KLHL29: variants seen among roughly 807,000 people sequenced by gnomAD.
KLHL29 encodes the protein kelch-like protein 29.
KLHL29 carries 21 observed loss-of-function variants against 80.4 expected under a neutral mutation model. That is an observed-to-expected ratio of 0.26 (90% CI 0.19 to 0.38). The LOEUF is 0.38. Among genes scored for constraint, KLHL29 ranks in the 10% least tolerant of loss-of-function variants. The pLI, the probability that KLHL29 is intolerant of heterozygous loss-of-function variation, is 1.00. For missense variants in KLHL29, 867 were observed against 1,223.9 expected (o/e 0.71, Z 4.35); for synonymous variants, 511 against 526.8 (o/e 0.97, Z 0.41).
chr2:23,641,916 G>A (rs1572459521), intron 4 of KLHL29, among the ~76,000 whole-genome samples: 1 of 152,248 alleles, frequency 6.6e-6, no homozygotes, highest in South Asian at 2.1e-4. Context: ...CCTAGGAGGC[G>A]GAGGTTGCAG....
intron 1 of KLHL29, among the ~76,000 whole-genome samples, chr2:23,458,033 A>C (rs935714234): frequency 6.6e-6 from 1 of 152,152 alleles, no homozygotes; most frequent in Non-Finnish European, 1.5e-5. Flanking sequence ...AATTAAAAAA[A>C]AATAAAACGT....
At chr2:23,698,852 CA>C (rs1181997532) in intron 11 of KLHL29, among the ~76,000 whole-genome samples, 5 of 152,168 alleles carry the variant, frequency 3.3e-5, no homozygotes, top group Non-Finnish European at 5.9e-5. Context: ...CCTGGAATAA[CA>C]AGCTCTCAGG....
At chr2:23,390,626 AAC>A (rs1461901190) in intron 1 of KLHL29, among the ~76,000 whole-genome samples, 3 of 151,522 alleles carry the variant, frequency 2.0e-5, no homozygotes, top group East Asian at 3.9e-4. Context: ...ATGGTTTAAA[AAC>A]ACATAAAATT....
At chr2:23,453,796 T>A in intron 1 of KLHL29, among the ~76,000 whole-genome samples, 1 of 152,154 alleles carries the variant, frequency 6.6e-6, no homozygotes. Flanking sequence ...CTTGGTATTT[T>A]GTTTTGTATT....
At chr2:23,687,804 G>A (rs1231658950) in intron 6 of KLHL29, among the ~76,000 whole-genome samples, 3 of 152,182 alleles carry the variant, frequency 2.0e-5, no homozygotes, top group African/African-American at 7.2e-5. Flanking sequence ...TGCAGGGCCG[G>A]GTATGAGGGT....
intron 6 of KLHL29, among the ~76,000 whole-genome samples, chr2:23,686,763 C>T (rs1671279263): frequency 6.6e-6 from 1 of 152,036 alleles, no homozygotes. Context: ...GGAACTGAAC[C>T]CAGAGAGGTC....
chr2:23,456,925 A>T (rs978769233), intron 1 of KLHL29, among the ~76,000 whole-genome samples: 1 of 152,122 alleles, frequency 6.6e-6, no homozygotes, highest in Non-Finnish European at 1.5e-5. Flanking sequence ...AGGCAGAGGG[A>T]GAAAAAAGGT....
chr2:23,484,681 T>C (rs1355898126), intron 2 of KLHL29, among the ~76,000 whole-genome samples: 2 of 152,162 alleles, frequency 1.3e-5, no homozygotes, highest in Non-Finnish European at 2.9e-5. Context: ...GTGTGATTAT[T>C]TATTTAGCAC....
chr2:23,427,554 T>C (rs536093543), intron 1 of KLHL29, among the ~76,000 whole-genome samples: 1 of 152,324 alleles, frequency 6.6e-6, no homozygotes, highest in Non-Finnish European at 1.5e-5. Flanking sequence ...CCTTCTGCTG[T>C]GGCATTTCAT....
rs1384714777 is a variant in KLHL29 at position 23,693,222 on chromosome 2, C to T, written c.1283-47C>T. 2.6e-6 allele frequency: 4 copies of T among 1,511,464 alleles called. No individual in the cohort carries two copies. The East Asian group carries it at 9.9e-5, about 38-fold the overall frequency. 93.6% of individuals were successfully genotyped at this position (1,511,464 alleles called of 1,614,324 possible). A position where few individuals can be genotyped will look rare whatever the true frequency, so the allele number is the denominator to read the frequency against. On this transcript the variant is annotated intron_variant, in intron 7 of 13. Transcript: ENST00000486442. The stretch of plus-strand genomic sequence containing the variant: ...TGACAGCAATGGGAACAGGTGGCAA[C>T]TGCTTCCCGGGCCTTTGGGTCAGTG...
chr2:23,439,242 T>C (rs1435364393), intron 1 of KLHL29, among the ~76,000 whole-genome samples: 5 of 152,114 alleles, frequency 3.3e-5, no homozygotes, highest in Admixed American at 1.3e-4. Flanking sequence ...TCAATTTTGT[T>C]GATCGTTTCA....
At chr2:23,464,447 T>TC (rs1664295175) in intron 1 of KLHL29, among the ~76,000 whole-genome samples, 1 of 152,186 alleles carries the variant, frequency 6.6e-6, no homozygotes, top group Non-Finnish European at 1.5e-5. Context: ...CTCCTCCCTG[T>TC]CTCCCACAGG....
chr2:23,571,878 C>T (rs890710083), intron 3 of KLHL29, among the ~76,000 whole-genome samples: 1 of 152,138 alleles, frequency 6.6e-6, no homozygotes, highest in Non-Finnish European at 1.5e-5. Context: ...AAAAAACAAC[C>T]GCCTCCATTG....
At chr2:23,573,111 G>A (rs1294629978) in intron 3 of KLHL29, among the ~76,000 whole-genome samples, 1 of 152,196 alleles carries the variant, frequency 6.6e-6, no homozygotes, top group African/African-American at 2.4e-5. Context: ...GCTGTGTCGG[G>A]GGCGCAGATT....
In KLHL29 at chr2:23,391,450, G is replaced by A. The variant is rs557331804; in HGVS notation, c.-154+5670G>A. Among the ~76,000 whole-genome samples, 27 of 152,200 alleles carry A rather than the reference G, an allele frequency of 1.8e-4. No homozygotes were observed. In the East Asian group the frequency reaches 2.3e-3, roughly 13 times the overall value. ...TTTGATGTTTTCTTTGTTTTGAGACGGGGTTTTGATCTTGTTGCCCAGGCT... is the reference window on the plus strand; with the variant it reads ...TTTGATGTTTTCTTTGTTTTGAGACAGGGTTTTGATCTTGTTGCCCAGGCT... On this transcript the variant is annotated intron_variant, in intron 1 of 13. Transcript: ENST00000486442.
intron 2 of KLHL29, among the ~76,000 whole-genome samples, chr2:23,482,082 A>T (rs1664812179): frequency 6.6e-6 from 1 of 152,084 alleles, no homozygotes; most frequent in Non-Finnish European, 1.5e-5. Context: ...CCCATGCTAA[A>T]CAGCAGGCGG....
chr2:23,507,343 C>T, intron 2 of KLHL29: 1 of 178,604 alleles, frequency 5.6e-6, no homozygotes, highest in South Asian at 9.3e-5. Flanking sequence ...TTTGTGTGTG[C>T]TAGCCCACCA....
intron 5 of KLHL29, among the ~76,000 whole-genome samples, chr2:23,657,143 A>G (rs1670269235): frequency 6.6e-6 from 1 of 152,090 alleles, no homozygotes; most frequent in South Asian, 2.1e-4. Context: ...GTCTCTGACA[A>G]GGCACCCCTG....
chr2:23,694,302 C>T (rs1355493795), intron 8 of KLHL29, among the ~76,000 whole-genome samples: 6 of 152,340 alleles, frequency 3.9e-5, no homozygotes, highest in Non-Finnish European at 7.3e-5. Context: ...ATAGCCATTT[C>T]GCTACACGCG....
Sources: allele counts gnomAD v4.1 joint callset (sites outside exome capture counted in the v4.1 genomes callset), GRCh38; gene constraint gnomAD v4.1.1; transcripts MANE v1.5; gene names NCBI Gene and HGNC (gene_info 2026-07-23, HGNC 2026-07-21).